PPP1R9A: variants seen among roughly 807,000 people sequenced by gnomAD.
The protein encoded by PPP1R9A is neurabin-1.
PPP1R9A carries 59 observed loss-of-function variants against 141.9 expected under a neutral mutation model. The observed-to-expected ratio is 0.42, with a 90% CI of 0.34 to 0.52. The LOEUF is 0.52. PPP1R9A is among the 20% of genes least tolerant of loss of function. The pLI is 0.10. For missense variants in PPP1R9A, 1,444 were observed against 1,611.9 expected, an observed-to-expected ratio of 0.90 and a Z score of 1.78; for synonymous variants, 500 against 569.7, an observed-to-expected ratio of 0.88 and a Z score of 1.74.
At chr7:95,203,524 C>T (rs1790036524) in intron 6 of PPP1R9A, 141 bp from the exon 7 acceptor site, 3 of 518,106 alleles carry the variant, frequency 5.8e-6, no homozygotes, top group South Asian at 3.5e-5. Context: ...CATTTTTTAC[C>T]AACATGCCGC....
chr7:95,108,421 C>T (rs1335641462), intron 2 of PPP1R9A, among the ~76,000 whole-genome samples: 1 of 145,294 alleles, frequency 6.9e-6, no homozygotes, highest in Admixed American at 7.2e-5. Flanking sequence ...TGCCATTCTC[C>T]TGCTTCAGCC....
At chr7:95,202,960 A>T (rs1789903134) in intron 6 of PPP1R9A, among the ~76,000 whole-genome samples, 1 of 151,976 alleles carries the variant, frequency 6.6e-6, no homozygotes, top group Admixed American at 6.6e-5. Flanking sequence ...CTTTTAAGAT[A>T]TAGTATTTGT....
chr7:95,119,689 AGGGATTCTCCCACCTCAGCCTCCCAAAGT>A (rs1822178165), intron 3 of PPP1R9A, among the ~76,000 whole-genome samples: 1 of 152,086 alleles, frequency 6.6e-6, no homozygotes, highest in South Asian at 2.1e-4. Context: ...CCTGGGCTCA[AGGGATTCTCCCACCTCAGCCTCCCAAAGT>A]GATGGGATTA....
intron 2 of PPP1R9A, among the ~76,000 whole-genome samples, chr7:95,075,107 C>T (rs1246519808): frequency 6.6e-6 from 1 of 152,050 alleles, no homozygotes; most frequent in Non-Finnish European, 1.5e-5. Context: ...TCATTTGTGC[C>T]ATGAATAATT....
chr7:95,172,438 A>G (rs1832258414), intron 5 of PPP1R9A, among the ~76,000 whole-genome samples: 1 of 151,842 alleles, frequency 6.6e-6, no homozygotes, highest in African/African-American at 2.4e-5. Context: ...GAAGTTGTCC[A>G]ATCATGTTAC....
At chr7:94,985,059 C>G (rs1049122713) in intron 2 of PPP1R9A, among the ~76,000 whole-genome samples, 3 of 152,176 alleles carry the variant, frequency 2.0e-5, no homozygotes, top group Non-Finnish European at 4.4e-5. Flanking sequence ...TTTCAAAGTA[C>G]ATCTTTATTT....
chr7:95,106,047 G>A (rs1279131810), intron 2 of PPP1R9A, among the ~76,000 whole-genome samples: 1 of 152,094 alleles, frequency 6.6e-6, no homozygotes, highest in Non-Finnish European at 1.5e-5. Context: ...TTGAGGCCAA[G>A]AGATCAAGAC....
intron 2 of PPP1R9A, among the ~76,000 whole-genome samples, chr7:95,071,536 G>A (rs1284712088): frequency 6.6e-6 from 1 of 151,852 alleles, no homozygotes; most frequent in Non-Finnish European, 1.5e-5. Context: ...AGAGGAATGT[G>A]AAAAGCTTAG....
chr7:95,131,998 T>C (rs1454514037), intron 4 of PPP1R9A, among the ~76,000 whole-genome samples: 2 of 152,198 alleles, frequency 1.3e-5, no homozygotes, highest in Non-Finnish European at 2.9e-5. Flanking sequence ...ACATGAGTGG[T>C]ATTGATGTAT....
chr7:95,126,306 T>C (rs1432320306), intron 4 of PPP1R9A, among the ~76,000 whole-genome samples: 2 of 152,152 alleles, frequency 1.3e-5, no homozygotes, highest in Non-Finnish European at 2.9e-5. Context: ...TAAGTAACTA[T>C]CCAGTAACAT....
chr7:95,001,104 A>G (rs1243653591), intron 2 of PPP1R9A, among the ~76,000 whole-genome samples: 1 of 152,168 alleles, frequency 6.6e-6, no homozygotes, highest in Non-Finnish European at 1.5e-5. Context: ...GATGTTTTAT[A>G]GTTAAGAATT....
intron 2 of PPP1R9A, among the ~76,000 whole-genome samples, chr7:94,918,647 ATTCCCC>A (rs1171702582): frequency 1.3e-5 from 2 of 152,020 alleles, no homozygotes; most frequent in African/African-American, 4.8e-5. Flanking sequence ...GTCATTCCCA[ATTCCCC>A]TTCCTTCTTC....
chr7:94,932,114 G>A (rs538827434), intron 2 of PPP1R9A, among the ~76,000 whole-genome samples: 1 of 152,316 alleles, frequency 6.6e-6, no homozygotes, highest in Admixed American at 6.5e-5. Flanking sequence ...AAATTGGCAA[G>A]TGGTTGTGAT....
intron 2 of PPP1R9A, among the ~76,000 whole-genome samples, chr7:95,025,657 TG>T (rs1309510222): frequency 6.6e-6 from 1 of 152,086 alleles, no homozygotes; most frequent in Admixed American, 6.6e-5. Context: ...GATAAAATCC[TG>T]AAGAGTGTTT....
At chr7:95,211,148 A>G (rs1311490547) in intron 7 of PPP1R9A, among the ~76,000 whole-genome samples, 1 of 151,944 alleles carries the variant, frequency 6.6e-6, no homozygotes, top group East Asian at 1.9e-4. Context: ...AAGTATAAAA[A>G]AAAAAAAACA....
At chr7:95,081,956 C>T (rs553211523) in intron 2 of PPP1R9A, among the ~76,000 whole-genome samples, 1 of 152,276 alleles carries the variant, frequency 6.6e-6, no homozygotes, top group Non-Finnish European at 1.5e-5. Flanking sequence ...GTGAAAACCA[C>T]CACCTTGGCA....
rs1354318143 is a variant in PPP1R9A at position 95,273,862 on chromosome 7, T to C, written c.3125-37T>C. The stretch of plus-strand genomic sequence containing the variant: ...TTTTGAATTGTGACTTTAAAAATAA[T>C]AATAATTGATCTTTTTCACAAATGT... On this transcript the variant is annotated intron_variant, in intron 14 of 19. Transcript: ENST00000433360. The C allele has an allele frequency of 7.0e-6, 10 of 1,432,726 alleles. No individual in the cohort carries two copies. In the South Asian group the frequency reaches 7.6e-5, roughly 11 times the overall value. The allele number at this position is 1,432,726 out of a possible 1,614,324, so 88.8% of individuals were successfully genotyped here.
At position 95,255,372 on chromosome 7, in the gene PPP1R9A, T is replaced by C. The variant is rs527909247; in HGVS notation, c.2665+3242T>C. 4.6e-5 allele frequency among the ~76,000 whole-genome samples: 7 copies of C among 152,228 alleles called. No individual in the cohort carries two copies. The East Asian group carries it at 1.4e-3, about 29-fold the overall frequency. ...TTTTGAAGGCTGGTTTGCTAAAGGA[T>C]TGTGCATATCCCATAGAGATACTGA... On this transcript the variant is annotated intron_variant, in intron 12 of 19. Coordinates refer to ENST00000433360, the MANE Select transcript of PPP1R9A (RefSeq NM_001166160.2).
At chr7:95,054,114 GTT>G (rs368824046) in intron 2 of PPP1R9A, among the ~76,000 whole-genome samples, 1 of 132,666 alleles carries the variant, frequency 7.5e-6, no homozygotes, top group Admixed American at 7.7e-5. Flanking sequence ...TCCCCACTGT[GTT>G]TTTTTTTTTT....
Sources: gnomAD v4.1 joint callset for allele counts (sites outside exome capture counted in the v4.1 genomes callset) on GRCh38, gnomAD v4.1.1 for gene constraint, MANE v1.5 for transcripts, NCBI Gene and HGNC (gene_info 2026-07-23, HGNC 2026-07-21) for gene names.